ARFGAP3: variants seen among roughly 807,000 people sequenced by gnomAD.
ARFGAP3 encodes the protein ADP-ribosylation factor GTPase-activating protein 3.
In ARFGAP3, 72 loss-of-function variants were observed where a neutral mutation model predicts 75.0. The observed-to-expected ratio is 0.96, with a 90% CI of 0.79 to 1.17. The LOEUF (loss-of-function observed/expected upper bound fraction) is 1.17. ARFGAP3 is among the 50% of genes most tolerant of loss of function. ARFGAP3 has a pLI of 0.00. For missense variants in ARFGAP3, 620 were observed against 626.6 expected, an observed-to-expected ratio of 0.99 and a Z score of 0.11; for synonymous variants, 221 against 217.9, an observed-to-expected ratio of 1.01 and a Z score of -0.13.
At chr22:42,839,124 A>AAG in intron 3 of ARFGAP3, among the ~76,000 whole-genome samples, 1 of 32,364 alleles carries the variant, frequency 3.1e-5, no homozygotes, top group African/African-American at 9.5e-5. Context: ...AAAAAAAAAG[A>AAG]AAAAAAAAAA....
At chr22:42,855,885 T>C (rs565477122) in intron 1 of ARFGAP3, among the ~76,000 whole-genome samples, 2 of 150,622 alleles carry the variant, frequency 1.3e-5, no homozygotes, top group African/African-American at 4.9e-5. Flanking sequence ...TAATTAATAA[T>C]AACAATTAGC....
chr22:42,821,380 C>G (rs1925806186), intron 9 of ARFGAP3, among the ~76,000 whole-genome samples: 2 of 152,202 alleles, frequency 1.3e-5, no homozygotes, highest in Admixed American at 1.3e-4. Flanking sequence ...AGCAGCCACT[C>G]TCCATTCTCT....
chr22:42,831,578 G>T lies in ARFGAP3; in HGVS notation c.536C>A (p.Pro179His). ...ATTATTTTCCAAAGTGGTTTCCACAGGCCTTGATGTTAAAGAAGATGGTTC... is the reference window on the plus strand; with the variant it reads ...ATTATTTTCCAAAGTGGTTTCCACATGCCTTGATGTTAAAGAAGATGGTTC... ...IAEPSSLTSR[P>H]VETTLENNEG... is the part of the protein sequence containing the mutation. Residue 179 changes from proline (P) to histidine (H), a missense_variant, in exon 6 of 16, where the codon CCT becomes CAT. Physicochemically the swap from Pro to His is moderately conservative, Grantham distance 77 (BLOSUM62 -2). Coordinates refer to ENST00000263245, the MANE Select transcript of ARFGAP3 (RefSeq NM_014570.5). 1 of 1,613,880 alleles carries T rather than the reference G, an allele frequency of 6.2e-7. No individual in the cohort carries two copies. Among genetic ancestry groups the T allele is most frequent in the South Asian group, 1.1e-5 (1 of 91,076 alleles).
rs907203919 is a variant in ARFGAP3 at position 42,809,877 on chromosome 22, G to A, written c.1196+936C>T. ...GAATTAGCCAGGCGTGGTGGCGGGC[G>A]CCTGTAGTCCCAGCTACTCGGGAGG... On this transcript the variant is annotated intron_variant, in intron 12 of 15. Transcript: ENST00000263245. 5.9e-5 allele frequency among the ~76,000 whole-genome samples: 9 copies of A among 151,944 alleles called. No individual in the cohort carries two copies. The East Asian group carries it at 7.8e-4, about 13-fold the overall frequency.
intron 1 of ARFGAP3, among the ~76,000 whole-genome samples, chr22:42,856,722 T>C (rs1380621467): frequency 2.6e-5 from 4 of 152,126 alleles, no homozygotes; most frequent in South Asian, 4.1e-4. Context: ...GAGCCGCGCT[T>C]TCCCCGCATC....
intron 1 of ARFGAP3, among the ~76,000 whole-genome samples, chr22:42,853,130 TAAAC>T (rs1981318909): frequency 6.6e-6 from 1 of 152,244 alleles, no homozygotes; most frequent in Admixed American, 6.5e-5. Context: ...TGTGCTTTCT[TAAAC>T]AAAGAACTTT....
intron 1 of ARFGAP3, chr22:42,853,331 G>C (rs1927362541): frequency 5.3e-6 from 1 of 188,506 alleles, no homozygotes; most frequent in Non-Finnish European, 1.2e-5. Flanking sequence ...ACCCCTGGTG[G>C]GCACATGGTG....
chr22:42,848,000 G>A (rs1485612522), intron 1 of ARFGAP3, among the ~76,000 whole-genome samples: 1 of 151,330 alleles, frequency 6.6e-6, no homozygotes, highest in Admixed American at 6.6e-5. Context: ...GAGTAGCTGG[G>A]ACTACAGGCT....
intron 1 of ARFGAP3, among the ~76,000 whole-genome samples, chr22:42,854,355 T>A (rs1927406562): frequency 6.6e-6 from 1 of 152,248 alleles, no homozygotes; most frequent in African/African-American, 2.4e-5. Context: ...CCAGGTGCGG[T>A]GGCTCACGCC....
chr22:42,834,965 G>A (rs1926454350), intron 4 of ARFGAP3, among the ~76,000 whole-genome samples: 1 of 152,168 alleles, frequency 6.6e-6, no homozygotes, highest in Non-Finnish European at 1.5e-5. Flanking sequence ...GCCTCATGGA[G>A]AAAATTCAGG....
In ARFGAP3 at chr22:42,834,272, T is replaced by C. The variant is rs137902718; in HGVS notation, c.447A>G (p.Glu149=). The C allele has an allele frequency of 9.3e-4, 1,501 of 1,613,964 alleles. 5 individuals carry two copies. Among genetic ancestry groups the C allele is most frequent in the South Asian group, 2.9e-3 (261 of 91,076 alleles). Residue 149 remains glutamate (E), a synonymous_variant, in exon 5 of 16, where the codon GAA becomes GAG. Transcript: ENST00000263245. ...VPPLSPPPKE[E]DFFASHVSPE... ...GAGAAACGTGAGAGGCAAAAAAATC[T>C]TCCTCCTTTGGTGGAGGGGACAAAG...
chr22:42,854,382 T>C (rs1303698628), intron 1 of ARFGAP3, among the ~76,000 whole-genome samples: 1 of 152,182 alleles, frequency 6.6e-6, no homozygotes, highest in African/African-American at 2.4e-5. Context: ...CACAGCACTT[T>C]GGGAGGCTGA....
At chr22:42,829,097 ATTCT>A (rs1233350574) in intron 6 of ARFGAP3, among the ~76,000 whole-genome samples, 3 of 152,230 alleles carry the variant, frequency 2.0e-5, no homozygotes, top group Non-Finnish European at 4.4e-5. Context: ...GATTGTGGGA[ATTCT>A]TTCTTCTCTT....
At chr22:42,845,388 G>A (rs1433852291) in intron 2 of ARFGAP3, among the ~76,000 whole-genome samples, 1 of 152,110 alleles carries the variant, frequency 6.6e-6, no homozygotes, top group African/African-American at 2.4e-5. Flanking sequence ...AGATGGACGT[G>A]GTGGCACATG....
chr22:42,806,489 C>T (rs1925129453), intron 14 of ARFGAP3, among the ~76,000 whole-genome samples: 1 of 152,246 alleles, frequency 6.6e-6, no homozygotes, highest in African/African-American at 2.4e-5. Context: ...TCCTCTCCAC[C>T]TGCTCACTCC....
chr22:42,822,020 ATC>A (rs1168922480), intron 9 of ARFGAP3, among the ~76,000 whole-genome samples: 6 of 152,158 alleles, frequency 3.9e-5, no homozygotes, highest in Admixed American at 3.3e-4. Context: ...ACCTCCATGC[ATC>A]TCTGTCTTTC....
At chr22:42,833,592 C>T (rs1297553707) in intron 5 of ARFGAP3, among the ~76,000 whole-genome samples, 2 of 152,166 alleles carry the variant, frequency 1.3e-5, no homozygotes, top group Non-Finnish European at 2.9e-5. Context: ...CTCGTCTCTA[C>T]TACAAATACA....
In ARFGAP3 at chr22:42,823,718, A is replaced by T; in HGVS notation, c.626-16T>A. ...GAGGATACCTCTGCCAAAAAATAAA[A>T]ATTAAAAAGTAAGACCAATAGAAAT... On this transcript the variant is annotated splice_polypyrimidine_tract_variant and intron_variant, in intron 7 of 15. Coordinates refer to ENST00000263245, the MANE Select transcript of ARFGAP3 (RefSeq NM_014570.5). 1 of 1,538,496 alleles carries T rather than the reference A, an allele frequency of 6.5e-7. No homozygotes were observed. The highest frequency in any genetic ancestry group is 2.3e-5 in the East Asian group (1 of 43,264).
intron 14 of ARFGAP3, among the ~76,000 whole-genome samples, chr22:42,803,058 T>G (rs1222246318): frequency 6.6e-6 from 1 of 152,226 alleles, no homozygotes; most frequent in African/African-American, 2.4e-5. Flanking sequence ...TACAGTGGTG[T>G]GATCACAGCT....
Sources: gnomAD v4.1 joint callset for allele counts (sites outside exome capture counted in the v4.1 genomes callset) on GRCh38, gnomAD v4.1.1 for gene constraint, MANE v1.5 for transcripts, NCBI Gene and HGNC (gene_info 2026-07-23, HGNC 2026-07-21) for gene names.